FLT3: variants seen among roughly 807,000 people sequenced by gnomAD.
FLT3 encodes the protein fms related receptor tyrosine kinase 3, also known as receptor-type tyrosine-protein kinase FLT3.
FLT3 carries 46 observed loss-of-function variants against 126.6 expected under a neutral mutation model. The observed-to-expected ratio is 0.36, with a 90% CI of 0.29 to 0.46. The LOEUF (loss-of-function observed/expected upper bound fraction) is 0.46, where lower values mean the gene tolerates loss of function less well. Ranked by LOEUF, FLT3 falls within the 20% of genes least tolerant of loss-of-function variation. FLT3 has a pLI of 1.00. For missense variants in FLT3, 1,069 were observed against 1,190.3 expected, an observed-to-expected ratio of 0.90 and a Z score of 1.50; for synonymous variants, 404 against 434.4, an observed-to-expected ratio of 0.93 and a Z score of 0.87.
At chr13:28,062,119 G>T (rs201721806) in intron 2 of FLT3, 50 bp from the exon 3 acceptor site, 1 of 1,389,596 alleles carries the variant, frequency 7.2e-7, no homozygotes. Context: ...CAGGTCTAAG[G>T]CCTCCCCTTC....
chr13:28,060,063 T>C (rs2137762940), intron 3 of FLT3, among the ~76,000 whole-genome samples: 1 of 151,698 alleles, frequency 6.6e-6, no homozygotes, highest in East Asian at 1.9e-4. Flanking sequence ...AAATTTTATC[T>C]TTAACATGAT....
At chr13:28,067,628 T>C (rs917353858) in intron 2 of FLT3, 1 of 152,552 alleles carries the variant, frequency 6.6e-6, no homozygotes, top group Non-Finnish European at 1.5e-5. Flanking sequence ...ACTTTTGTAA[T>C]AACACTGAAA....
chr13:28,017,561 A>T (rs1871972374), intron 20 of FLT3, among the ~76,000 whole-genome samples: 1 of 151,856 alleles, frequency 6.6e-6, no homozygotes, highest in African/African-American at 2.4e-5. Flanking sequence ...CACATTTTCA[A>T]CTACACAATT....
intron 15 of FLT3, 118 bp downstream of exon 15, chr13:28,033,769 C>G (rs1488191081): frequency 3.7e-6 from 3 of 802,328 alleles, no homozygotes; most frequent in Non-Finnish European, 6.3e-6. Flanking sequence ...CCATTTTTAG[C>G]CTTGAAACAT....
chr13:28,060,026 C>G (rs1876393859), intron 3 of FLT3, among the ~76,000 whole-genome samples: 1 of 151,354 alleles, frequency 6.6e-6, no homozygotes, highest in African/African-American at 2.4e-5. Context: ...TCTTGCTACA[C>G]TAACAAGAAT....
At chr13:28,094,571 C>G (rs1211823413) in intron 1 of FLT3, among the ~76,000 whole-genome samples, 1 of 152,172 alleles carries the variant, frequency 6.6e-6, no homozygotes, top group Non-Finnish European at 1.5e-5. Context: ...ATGGTCGTAG[C>G]TCACTGCAGC....
chr13:28,070,028 T>C (rs528447609), intron 2 of FLT3, among the ~76,000 whole-genome samples: 11 of 152,278 alleles, frequency 7.2e-5, no homozygotes, highest in Middle Eastern at 3.4e-3. Context: ...AGTGGGAGGA[T>C]TGCTTGAGCC....
chr13:28,099,021 C>G (rs1178897199), intron 1 of FLT3, among the ~76,000 whole-genome samples: 1 of 152,092 alleles, frequency 6.6e-6, no homozygotes, highest in Non-Finnish European at 1.5e-5. Flanking sequence ...GTTATTTGGG[C>G]ACGTACATAT....
intron 15 of FLT3, among the ~76,000 whole-genome samples, chr13:28,030,406 G>A (rs894508198): frequency 6.6e-6 from 1 of 152,058 alleles, no homozygotes; most frequent in Non-Finnish European, 1.5e-5. Flanking sequence ...CTTTCATTCA[G>A]TCATTCAACA....
rs1267333481 is a variant in FLT3, at chr13:28,049,626, T to A, written c.882+9A>T. 6.2e-7 allele frequency: 1 copy of A among 1,614,020 alleles called. No homozygotes were observed. The highest frequency in any genetic ancestry group is 8.5e-7 in the Non-Finnish European group (1 of 1,179,944). On this transcript the variant is annotated intron_variant, in intron 7 of 23. Transcript: ENST00000241453. ...CCTGCATTTTCAGAATACAAACTTG[T>A]CCTATTACCTCCTCGAGTGCTTTGT...
intron 1 of FLT3, among the ~76,000 whole-genome samples, chr13:28,082,579 T>C (rs1270330857): frequency 6.6e-6 from 1 of 151,962 alleles, no homozygotes; most frequent in Non-Finnish European, 1.5e-5. Flanking sequence ...CACTGCAACC[T>C]CCACCTCCCA....
At chr13:28,061,024 T>C (rs996770281) in intron 3 of FLT3, among the ~76,000 whole-genome samples, 4 of 151,944 alleles carry the variant, frequency 2.6e-5, no homozygotes, top group African/African-American at 9.7e-5. Context: ...CTTGTATAGG[T>C]GTGATATGTT....
At chr13:28,063,344 G>A (rs960848426) in intron 2 of FLT3, among the ~76,000 whole-genome samples, 7 of 152,122 alleles carry the variant, frequency 4.6e-5, no homozygotes, top group Non-Finnish European at 1.0e-4. Context: ...GCTGGGTGTG[G>A]TGGTAGGCGC....
intron 1 of FLT3, among the ~76,000 whole-genome samples, chr13:28,075,226 C>T (rs7321730): frequency 0.1 from 15,146 of 151,856 alleles, 2,513 homozygotes; most frequent in African/African-American, 0.34. Context: ...TTTGCATTTC[C>T]CTGATGATTA....
At chr13:28,070,155 C>T (rs1877377538) in intron 2 of FLT3, among the ~76,000 whole-genome samples, 1 of 152,112 alleles carries the variant, frequency 6.6e-6, no homozygotes, top group African/African-American at 2.4e-5. Context: ...AAATACCAAG[C>T]CATTTTATAT....
At chr13:28,081,920 G>A (rs368437630) in intron 1 of FLT3, among the ~76,000 whole-genome samples, 2 of 121,044 alleles carry the variant, frequency 1.7e-5, no homozygotes, top group African/African-American at 3.2e-5. Flanking sequence ...ACAATGGTGC[G>A]ATCTTGGCTC....
Position 28,080,881 on chromosome 13 carries a change from G to C in FLT3, c.44-10269C>G, listed in dbSNP as rs534691938. On this transcript the variant is annotated intron_variant, in intron 1 of 23. Coordinates refer to ENST00000241453, the MANE Select transcript of FLT3 (RefSeq NM_004119.3). ...TGCCATTGTTCCAGTACCATTTGTT[G>C]AAAGACTGATTTCTCCACTGAATTA... Among the ~76,000 whole-genome samples the C allele has an allele frequency of 7.2e-5, 11 of 152,190 alleles. No individual in the cohort carries two copies. The South Asian group carries it at 2.3e-3, about 32-fold the overall frequency.
At chr13:28,019,702 G>A (rs570665915) in intron 19 of FLT3, among the ~76,000 whole-genome samples, 10 of 152,248 alleles carry the variant, frequency 6.6e-5, no homozygotes, top group Admixed American at 1.3e-4. Context: ...GGCCTGCACT[G>A]ACTGGCTTGG....
chr13:28,039,158 A>G (rs781306587), intron 9 of FLT3, among the ~76,000 whole-genome samples: 6 of 152,196 alleles, frequency 3.9e-5, no homozygotes, highest in Non-Finnish European at 8.8e-5. Flanking sequence ...AGGAACGGCA[A>G]GCCTCTCATG....
Sources: gnomAD v4.1 joint callset for allele counts (sites outside exome capture counted in the v4.1 genomes callset) on GRCh38, gnomAD v4.1.1 for gene constraint, MANE v1.5 for transcripts, NCBI Gene and HGNC (gene_info 2026-07-23, HGNC 2026-07-21) for gene names.